Variants in MAF observed in about 807,000 individuals in gnomAD.
MAF encodes the protein transcription factor Maf.
A neutral mutation model predicts 22.0 loss-of-function variants in MAF; 10 were observed. That is an observed-to-expected ratio of 0.45 (90% CI 0.28 to 0.77). The LOEUF (loss-of-function observed/expected upper bound fraction) is 0.77. MAF is among the 30% of genes least tolerant of loss of function. The pLI, the probability that MAF is intolerant of heterozygous loss-of-function variation, is 0.12. For missense variants in MAF, 544 were observed against 548.4 expected (o/e 0.99, Z 0.08); for synonymous variants, 337 against 255.8 (o/e 1.32, Z -3.03).
At chr16:79,481,593 C>G in the MAF span, among the ~76,000 whole-genome samples, 2 of 152,080 alleles carry the variant, frequency 1.3e-5, no homozygotes, top group Non-Finnish European at 2.9e-5. Flanking sequence ...TTCGCCCATC[C>G]ATCAACCCAG....
chr16:79,251,829 A>T, the MAF span, among the ~76,000 whole-genome samples: 2 of 152,214 alleles, frequency 1.3e-5, no homozygotes, highest in African/African-American at 4.8e-5. Flanking sequence ...GTTTAGACGT[A>T]ATCTTCATCA....
chr16:79,567,128 G>A, the MAF span, among the ~76,000 whole-genome samples: 3 of 152,160 alleles, frequency 2.0e-5, no homozygotes, highest in Non-Finnish European at 4.4e-5. Context: ...GACCAGCCTG[G>A]CCAACATGGC....
chr16:79,395,982 C>T, the MAF span, among the ~76,000 whole-genome samples: 5 of 152,292 alleles, frequency 3.3e-5, no homozygotes, highest in Admixed American at 3.3e-4. Context: ...GAATAATTGC[C>T]TCAGTTCCGG....
chr16:79,411,051 T>C, the MAF span, among the ~76,000 whole-genome samples: 1 of 152,184 alleles, frequency 6.6e-6, no homozygotes, highest in East Asian at 1.9e-4. Flanking sequence ...CCAGCCTGAG[T>C]ACTGCCTTCT....
chr16:79,303,087 C>CTG, the MAF span, among the ~76,000 whole-genome samples: 12 of 151,180 alleles, frequency 7.9e-5, no homozygotes, highest in Non-Finnish European at 1.6e-4. Flanking sequence ...AGCGTGTAAT[C>CTG]TGTGTGTGTG....
chr16:79,272,526 G>T, the MAF span, among the ~76,000 whole-genome samples: 1 of 152,136 alleles, frequency 6.6e-6, no homozygotes, highest in Non-Finnish European at 1.5e-5. Context: ...CCACAGCGCC[G>T]CTCCATGCGG....
the MAF span, among the ~76,000 whole-genome samples, chr16:79,391,358 C>T: frequency 6.6e-6 from 1 of 152,086 alleles, no homozygotes; most frequent in Admixed American, 6.6e-5. Context: ...GCTTTTCTCT[C>T]TAGCTATTTG....
the MAF span, among the ~76,000 whole-genome samples, chr16:79,379,838 G>T: frequency 6.6e-6 from 1 of 152,254 alleles, no homozygotes; most frequent in East Asian, 1.9e-4. Context: ...GGAGGCTTTT[G>T]TCCTATCAGC....
the MAF span, among the ~76,000 whole-genome samples, chr16:79,404,653 G>A: frequency 2.7e-5 from 4 of 150,886 alleles, no homozygotes; most frequent in South Asian, 2.1e-4. Context: ...TTTTTTTGCA[G>A]CCTGAATACT....
the MAF span, among the ~76,000 whole-genome samples, chr16:79,366,655 C>A: frequency 6.6e-6 from 1 of 152,190 alleles, no homozygotes; most frequent in Admixed American, 6.5e-5. Flanking sequence ...AGTCAGCATG[C>A]AATTTGCCAT....
chr16:79,408,986 C>A, the MAF span, among the ~76,000 whole-genome samples: 1 of 147,562 alleles, frequency 6.8e-6, no homozygotes, highest in Non-Finnish European at 1.5e-5. Flanking sequence ...TGCACATAGA[C>A]CAGAGTTTTC....
At chr16:79,325,772 G>C in the MAF span, among the ~76,000 whole-genome samples, 2 of 152,182 alleles carry the variant, frequency 1.3e-5, no homozygotes, top group African/African-American at 2.4e-5. Context: ...ACTAGCTTTT[G>C]TCTTATTCAT....
the MAF span, among the ~76,000 whole-genome samples, chr16:79,285,371 A>C: frequency 6.6e-6 from 1 of 152,164 alleles, no homozygotes; most frequent in Non-Finnish European, 1.5e-5. Context: ...TGGACCTAGA[A>C]TTAGGGCTTC....
chr16:79,337,785 A>G, the MAF span, among the ~76,000 whole-genome samples: 6 of 152,286 alleles, frequency 3.9e-5, no homozygotes, highest in African/African-American at 1.4e-4. Flanking sequence ...ATCCTATCGG[A>G]CAGTGCTCTG....
At chr16:79,441,022 G>A in the MAF span, among the ~76,000 whole-genome samples, 1 of 152,198 alleles carries the variant, frequency 6.6e-6, no homozygotes, top group African/African-American at 2.4e-5. Context: ...AATTTGGGAG[G>A]AGGTTAATTA....
At chr16:79,430,048 C>T in the MAF span, among the ~76,000 whole-genome samples, 1 of 152,146 alleles carries the variant, frequency 6.6e-6, no homozygotes. Flanking sequence ...TGCTCTGGTT[C>T]CAGGCCAGGC....
the MAF span, among the ~76,000 whole-genome samples, chr16:79,314,753 C>T: frequency 2.3e-4 from 35 of 152,238 alleles, no homozygotes; most frequent in East Asian, 6.0e-3. Flanking sequence ...AGAGGAGGCT[C>T]GGAGGCCCAG....
the MAF span, among the ~76,000 whole-genome samples, chr16:79,521,546 CCCCAT>C: frequency 6.6e-6 from 1 of 152,182 alleles, no homozygotes; most frequent in Non-Finnish European, 1.5e-5. Flanking sequence ...CCAGCAGTTT[CCCCAT>C]CTCCCTGAAC....
the MAF span, among the ~76,000 whole-genome samples, chr16:79,564,102 G>T: frequency 6.6e-6 from 1 of 152,230 alleles, no homozygotes; most frequent in Non-Finnish European, 1.5e-5. Context: ...CTCCCCCATG[G>T]CCACTGCCGC....
Sources: allele counts gnomAD v4.1 joint callset (sites outside exome capture counted in the v4.1 genomes callset), GRCh38; gene constraint gnomAD v4.1.1; transcripts MANE v1.5; gene names NCBI Gene and HGNC (gene_info 2026-07-23, HGNC 2026-07-21).